The following MIA3 variants were observed in gnomAD, a reference collection of about 807,000 sequenced individuals.
MIA3 encodes the protein transport and Golgi organization protein 1 homolog.
In MIA3, 90 loss-of-function variants were observed where a neutral mutation model predicts 192.4. The observed-to-expected ratio is 0.47, with a 90% CI of 0.39 to 0.56. The LOEUF is 0.56. Ranked by LOEUF, MIA3 falls within the 20% of genes least tolerant of loss-of-function variation. MIA3 has a pLI of 0.00. For missense variants in MIA3, 2,123 were observed against 2,269.4 expected, an observed-to-expected ratio of 0.94 and a Z score of 1.31; for synonymous variants, 740 against 792.8, an observed-to-expected ratio of 0.93 and a Z score of 1.12.
chr1:222,629,865 A>C lies in MIA3; in HGVS notation c.2645A>C (p.Asn882Thr), dbSNP rs1237319714. The C allele has an allele frequency of 2.5e-6, 4 of 1,613,858 alleles. No homozygotes were observed. In the South Asian group the frequency reaches 3.3e-5, roughly 13 times the overall value. ...EGELSKEDHENTEKYMGTESQ... is the reference protein window; with the variant it reads ...EGELSKEDHETTEKYMGTESQ... ...GAACTCTCAAAAGAGGACCATGAGAACACAGAGAAGTACATGGGCACAGAA... is the reference window on the plus strand; with the variant it reads ...GAACTCTCAAAAGAGGACCATGAGACCACAGAGAAGTACATGGGCACAGAA... Residue 882 changes from asparagine to threonine, a missense_variant, in exon 4 of 28, where the codon AAC becomes ACC. Coordinates refer to ENST00000344922, the MANE Select transcript of MIA3 (RefSeq NM_198551.4).
Position 222,660,293 on chromosome 1 carries a change from G to C in MIA3, c.5092G>C (p.Asp1698His), listed in dbSNP as rs1663945791. 6.2e-7 allele frequency: 1 copy of C among 1,613,308 alleles called. No homozygotes were observed. The change falls in exon 24 of 28, where the codon GAT becomes CAT. Residue 1698 changes from aspartate to histidine, a missense_variant. Around this residue, in one of 3 missense-constraint regions of MIA3, gnomAD observed 762 missense variants for 856.4 expected, o/e 0.89. Coordinates refer to ENST00000344922, the MANE Select transcript of MIA3 (RefSeq NM_198551.4). ...RPLSATLNRR[D>H]MPRSEFGSVD... ...TCTCTCTGCTACTCTCAATCGAAGA[G>C]ATATGCCTAGAAGTGAATTTGGTGA...
At chr1:222,657,420 A>G (rs968607405) in intron 18 of MIA3, among the ~76,000 whole-genome samples, 2 of 152,206 alleles carry the variant, frequency 1.3e-5, no homozygotes, top group Admixed American at 6.5e-5. Context: ...ATTGTCTTCA[A>G]TGCATGGATG....
intron 5 of MIA3, among the ~76,000 whole-genome samples, chr1:222,632,843 C>G (rs114323030): frequency 6.5e-4 from 99 of 152,280 alleles, no homozygotes; most frequent in African/African-American, 2.2e-3. Context: ...AGTAAAACTT[C>G]TTAAAATACA....
chr1:222,659,069 A>G lies in MIA3; in HGVS notation c.4709+246A>G. Reference sequence around the variant, plus strand: ...GGAGGGGGTGGGAGCAGTTTGTTATATGATGTATCAAAAGCCATTAAAGTG... The same window carrying G: ...GGAGGGGGTGGGAGCAGTTTGTTATGTGATGTATCAAAAGCCATTAAAGTG... On this transcript the variant is annotated intron_variant, in intron 19 of 27. Transcript: ENST00000344922. 9 of 447,172 alleles carry G rather than the reference A, an allele frequency of 2.0e-5. No individual in the cohort carries two copies. The South Asian group carries it at 2.7e-4, about 14-fold the overall frequency. 27.7% of individuals were successfully genotyped at this position (447,172 alleles called of 1,614,324 possible).
At chr1:222,639,685 A>G (rs562466800) in intron 6 of MIA3, among the ~76,000 whole-genome samples, 1 of 152,286 alleles carries the variant, frequency 6.6e-6, no homozygotes, top group South Asian at 2.1e-4. Context: ...AAAATCTAAA[A>G]TTGATTACTA....
intron 11 of MIA3, among the ~76,000 whole-genome samples, chr1:222,651,403 TA>T (rs1232063230): frequency 3.3e-5 from 5 of 151,906 alleles, no homozygotes; most frequent in Non-Finnish European, 7.4e-5. Context: ...CTTTTTGCAT[TA>T]TTGTACTCTT....
At chr1:222,662,440 A>C in intron 26 of MIA3, 108 bp downstream of exon 26, 6 of 1,565,470 alleles carry the variant, frequency 3.8e-6, no homozygotes, top group East Asian at 2.3e-5. Context: ...GTACTATCTC[A>C]TTTATTTTTT....
At chr1:222,639,121 G>A (rs1662750552) in intron 6 of MIA3, among the ~76,000 whole-genome samples, 1 of 152,142 alleles carries the variant, frequency 6.6e-6, no homozygotes. Flanking sequence ...GGAATATTAT[G>A]AGCAATTTAT....
chr1:222,641,571 G>T, intron 6 of MIA3: 1 of 510,504 alleles, frequency 2.0e-6, no homozygotes, highest in South Asian at 1.4e-5. Flanking sequence ...AGAAGTCCTT[G>T]GCATCCTCGG....
At position 222,653,327 on chromosome 1, in the gene MIA3, G is replaced by A. The variant is rs749199420; in HGVS notation, c.4309G>A (p.Gly1437Arg). The A allele has an allele frequency of 6.8e-6, 11 of 1,612,080 alleles. No individual in the cohort carries two copies. The highest frequency in any genetic ancestry group is 9.3e-6 in the Non-Finnish European group (11 of 1,178,432). The stretch of plus-strand genomic sequence containing the variant: ...AAATGATTCAGATGAATTAGCAAAT[G>A]GAGAAGTGGGAGGTAAGATCAGCCT... The part of the protein sequence containing the change: ...GGNDSDELAN[G>R]EVGGDRNEKM... Residue 1437 changes from glycine to arginine, a missense_variant, in exon 15 of 28, where the codon GGA becomes AGA. Physicochemically the swap from Gly to Arg is moderately radical, Grantham distance 125. This residue lies in a region of MIA3 where 762 missense variants were observed against 856.4 expected (regional missense o/e 0.89). Transcript: ENST00000344922.
intron 6 of MIA3, chr1:222,644,407 G>T (rs1211007004): frequency 6.5e-7 from 1 of 1,541,590 alleles, no homozygotes; most frequent in Non-Finnish European, 8.8e-7. Context: ...GGAGGAGGAA[G>T]CTCTGAAAAA....
chr1:222,659,692 CAT>C (rs1231861944), intron 21 of MIA3, 35 bp downstream of exon 21: 3 of 1,613,640 alleles, frequency 1.9e-6, no homozygotes, highest in Non-Finnish European at 2.5e-6. Context: ...TTATTTTGTG[CAT>C]AGTCTCCCAC....
chr1:222,654,270 A>C lies in MIA3; in HGVS notation c.4349A>C (p.Gln1450Pro). The change falls in exon 16 of 28, where the codon CAA becomes CCA. Residue 1450 changes from glutamine (Q) to proline (P), a missense_variant. This residue lies in a region of MIA3 where 762 missense variants were observed against 856.4 expected (regional missense o/e 0.89). Coordinates refer to ENST00000344922, the MANE Select transcript of MIA3 (RefSeq NM_198551.4). ...GACCGGAATGAGAAGATGAAAAATC[A>C]AATTAAGCAGATGATGGATGTCTCT... is the stretch of plus-strand genomic sequence containing the variant. ...GGDRNEKMKN[Q>P]IKQMMDVSRT... is the part of the protein sequence containing the mutation. The C allele has an allele frequency of 4.3e-6, 7 of 1,614,038 alleles. No homozygotes were observed. Among genetic ancestry groups the C allele is most frequent in the Non-Finnish European group, 5.9e-6 (7 of 1,179,964 alleles).
intron 1 of MIA3, 35 bp downstream of exon 1, chr1:222,618,278 G>A (rs1407515487): frequency 2.9e-6 from 4 of 1,372,406 alleles, no homozygotes; most frequent in Admixed American, 2.7e-5. Context: ...GCCTCGGGGC[G>A]GCTGGCCTTG....
chr1:222,623,520 T>C (rs1661972852), intron 2 of MIA3, among the ~76,000 whole-genome samples: 1 of 152,160 alleles, frequency 6.6e-6, no homozygotes, highest in African/African-American at 2.4e-5. Flanking sequence ...TTTCTTAGTT[T>C]TCATTCTGCA....
chr1:222,627,465 C>G (rs1408726940), intron 3 of MIA3, 110 bp from the exon 4 acceptor site: 2 of 967,106 alleles, frequency 2.1e-6, no homozygotes, highest in Non-Finnish European at 3.1e-6. Flanking sequence ...CGCAAAAGCT[C>G]CTCTAGAGCC....
intron 6 of MIA3, among the ~76,000 whole-genome samples, chr1:222,645,268 A>G (rs996567967): frequency 1.3e-5 from 2 of 152,250 alleles, no homozygotes; most frequent in Non-Finnish European, 2.9e-5. Context: ...GATTCCAGCC[A>G]TGTTTTAGAT....
Position 222,624,866 on chromosome 1 carries a change from A to T in MIA3, c.354+12A>T. The T allele has an allele frequency of 6.7e-7, 1 of 1,497,882 alleles. No individual in the cohort carries two copies. The highest frequency in any genetic ancestry group is 9.3e-7 in the Non-Finnish European group (1 of 1,077,488). The allele number at this position is 1,497,882 out of a possible 1,614,324, so 92.8% of individuals were successfully genotyped here. On this transcript the variant is annotated intron_variant, in intron 3 of 27. Transcript: ENST00000344922. ...AAGTTCCAACAGATGTAAGTTGTGGATTTCTGTCTTGTTCTCAGTTATAAG... is the reference window on the plus strand; with the variant it reads ...AAGTTCCAACAGATGTAAGTTGTGGTTTTCTGTCTTGTTCTCAGTTATAAG...
intron 18 of MIA3, among the ~76,000 whole-genome samples, chr1:222,657,399 T>G (rs1470882771): frequency 6.6e-6 from 1 of 152,174 alleles, no homozygotes; most frequent in Non-Finnish European, 1.5e-5. Context: ...TCAACCTTCT[T>G]ACATATCTGC....
Sources: allele counts gnomAD v4.1 joint callset (sites outside exome capture counted in the v4.1 genomes callset), GRCh38; gene constraint gnomAD v4.1.1; regional missense constraint gnomAD v4.1.1; transcripts MANE v1.5; gene names NCBI Gene and HGNC (gene_info 2026-07-23, HGNC 2026-07-21).